Variants in SLC24A1 observed in about 807,000 individuals in gnomAD.
SLC24A1 encodes sodium/potassium/calcium exchanger 1.
Under a neutral mutation model 88.1 loss-of-function variants are expected in SLC24A1, and 52 were observed. The ratio of observed to expected loss-of-function variants is 0.59; its 90% confidence interval spans 0.47 to 0.74. The LOEUF (loss-of-function observed/expected upper bound fraction) is 0.74, where lower values mean the gene tolerates loss of function less well. SLC24A1 is among the 30% of genes least tolerant of loss of function. The pLI, the probability that SLC24A1 is intolerant of heterozygous loss-of-function variation, is 0.00. For missense variants in SLC24A1, 1,173 were observed against 1,363.3 expected (o/e 0.86, Z 2.20); for synonymous variants, 455 against 498.0 (o/e 0.91, Z 1.15).
At chr15:65,639,885 G>A (rs985928176) in intron 4 of SLC24A1, among the ~76,000 whole-genome samples, 182 bp downstream of exon 4, 1 of 152,086 alleles carries the variant, frequency 6.6e-6, no homozygotes, top group African/African-American at 2.4e-5. Context: ...CCAAGACAGG[G>A]GACTCACCAA....
chr15:65,614,963 C>G (rs2074089087), intron 2 of SLC24A1, among the ~76,000 whole-genome samples: 1 of 152,238 alleles, frequency 6.6e-6, no homozygotes. Context: ...AGTGGTGGCT[C>G]TCAGCTCTTC....
In SLC24A1 at chr15:65,625,808, C is replaced by G; in HGVS notation, c.1728C>G (p.Phe576Leu). 6.2e-7 allele frequency: 1 copy of G among 1,614,054 alleles called. No homozygotes were observed. The highest frequency in any genetic ancestry group is 8.5e-7 in the Non-Finnish European group (1 of 1,179,900). The change falls in exon 2 of 10, where the codon TTC (phenylalanine) becomes TTG (leucine). Residue 576 changes from phenylalanine to leucine, a missense_variant. Transcript: ENST00000261892. Reference sequence around the variant, plus strand: ...ACCTGATAATGCTCATCCTCTTCTTCCTGGACAGCCTCATTGCCTGGTGGG... The same window carrying G: ...ACCTGATAATGCTCATCCTCTTCTTGCTGGACAGCCTCATTGCCTGGTGGG... The part of the protein sequence containing the change: ...ILDLIMLILF[F>L]LDSLIAWWES...
At chr15:65,646,384 T>C (rs1238259287) in intron 6 of SLC24A1, among the ~76,000 whole-genome samples, 2 of 152,106 alleles carry the variant, frequency 1.3e-5, no homozygotes, top group Non-Finnish European at 2.9e-5. Context: ...GCCGTCTCCA[T>C]GTTTTTCTAC....
chr15:65,616,139 T>C (rs2074136592), intron 2 of SLC24A1, among the ~76,000 whole-genome samples: 1 of 152,118 alleles, frequency 6.6e-6, no homozygotes, highest in Non-Finnish European at 1.5e-5. Context: ...TGATGGACAT[T>C]TGGGTTGGTT....
At chr15:65,632,742 G>A (rs2074773838) in intron 2 of SLC24A1, among the ~76,000 whole-genome samples, 1 of 152,190 alleles carries the variant, frequency 6.6e-6, no homozygotes, top group Non-Finnish European at 1.5e-5. Context: ...CAGCTCTCAA[G>A]GAGCTTAGTC....
intron 2 of SLC24A1, among the ~76,000 whole-genome samples, chr15:65,635,465 A>AAAAAAC (rs2074896509): frequency 7.0e-6 from 1 of 143,718 alleles, no homozygotes; most frequent in Non-Finnish European, 1.5e-5. Context: ...AAAAAAAAAA[A>AAAAAAC]AAAAAGAAAA....
chr15:65,622,693 C>A (rs370538767), intron 1 of SLC24A1, among the ~76,000 whole-genome samples: 1 of 151,776 alleles, frequency 6.6e-6, no homozygotes, highest in South Asian at 2.1e-4. Context: ...CTTTCATGTT[C>A]TTCCCTCCTT....
chr15:65,652,555 G>GC (rs1233602229), intron 8 of SLC24A1, 87 bp from the exon 9 acceptor site: 2 of 1,257,220 alleles, frequency 1.6e-6, no homozygotes, highest in Middle Eastern at 2.6e-4. Context: ...TCCTTAGAAG[G>GC]CAGTCTGTTT....
Position 65,624,864 on chromosome 15 carries a change from C to A in SLC24A1, c.784C>A (p.His262Asn). 1.2e-6 allele frequency: 2 copies of A among 1,614,050 alleles called. No homozygotes were observed. Among genetic ancestry groups the A allele is most frequent in the Non-Finnish European group, 8.5e-7 (1 of 1,179,898 alleles). The change falls in exon 2 of 10, where the codon CAT becomes AAT. Residue 262 changes from histidine to asparagine, a missense_variant. By Grantham distance (68) the His-to-Asn change is moderately conservative. Transcript: ENST00000261892. ...MFDSTPTFLTHEVEANVLTSP... is the reference protein window; with the variant it reads ...MFDSTPTFLTNEVEANVLTSP... Reference sequence around the variant, plus strand: ...TGATAGCACCCCAACTTTTCTGACACATGAGGTAGAAGCAAACGTCTTGAC... The same window carrying A: ...TGATAGCACCCCAACTTTTCTGACAAATGAGGTAGAAGCAAACGTCTTGAC...
chr15:65,638,854 C>A (rs1451259777), intron 3 of SLC24A1, among the ~76,000 whole-genome samples: 1 of 151,850 alleles, frequency 6.6e-6, no homozygotes, highest in Admixed American at 6.6e-5. Flanking sequence ...GGGAGGACTC[C>A]GCAAGTGTGG....
At chr15:65,656,873 T>C (rs1596362676), downstream of SLC24A1, among the ~76,000 whole-genome samples, 2 of 152,336 alleles carry the variant, frequency 1.3e-5, no homozygotes, top group Middle Eastern at 3.4e-3. Flanking sequence ...TTTTTTGTTT[T>C]GTTTTGTTTT....
downstream of SLC24A1, among the ~76,000 whole-genome samples, chr15:65,658,755 T>G (rs2075758228): frequency 6.6e-6 from 1 of 152,208 alleles, no homozygotes; most frequent in Admixed American, 6.5e-5. Context: ...GCATAACTTC[T>G]AAATAGAGCT....
chr15:65,615,389 G>T (rs898831447), intron 2 of SLC24A1, among the ~76,000 whole-genome samples: 8 of 152,166 alleles, frequency 5.3e-5, no homozygotes, highest in African/African-American at 1.9e-4. Flanking sequence ...AAAGTAATTT[G>T]TGAGGCTGGG....
rs1250646801 is a variant in SLC24A1, at chr15:65,622,040, G to C, written c.-179G>C. ...TTCAGACCCACTCTTTGAGATATTG[G>C]ATTCTGACAAGTTTCCAGAGCTGAG... is the stretch of plus-strand genomic sequence containing the variant. On this transcript the variant is annotated 5_prime_UTR_variant, in exon 1 of 10. Transcript: ENST00000261892. 1.3e-5 allele frequency: 2 copies of C among 152,250 alleles called. No homozygotes were observed. The highest frequency in any genetic ancestry group is 2.9e-5 in the Non-Finnish European group (2 of 68,078). The allele number at this position is 152,250 out of a possible 1,614,324, so 9.4% of individuals were successfully genotyped here. A position where few individuals can be genotyped will look rare whatever the true frequency, so the allele number is the denominator to read the frequency against.
intron 2 of SLC24A1, among the ~76,000 whole-genome samples, chr15:65,614,781 G>A (rs1596290595): frequency 6.6e-6 from 1 of 152,182 alleles, no homozygotes; most frequent in East Asian, 1.9e-4. Flanking sequence ...ATGTGATGGT[G>A]GATATGCATT....
chr15:65,653,707 TTC>T lies in SLC24A1; in HGVS notation c.3051-121_3051-120del, dbSNP rs1336203142. ...TTGTCTGTGAAATGGGGCTAATAAT[TTC>T]TGTTCACTTCATAGATATTTTATTG... On this transcript the variant is annotated intron_variant, in intron 9 of 9. Transcript: ENST00000261892. 1.0e-5 allele frequency: 10 copies of T among 977,014 alleles called. No individual in the cohort carries two copies. The African/African-American group carries it at 1.3e-4, about 13-fold the overall frequency. 60.5% of individuals were successfully genotyped at this position (977,014 alleles called of 1,614,324 possible). A position where few individuals can be genotyped will look rare whatever the true frequency, so the allele number is the denominator to read the frequency against.
intron 2 of SLC24A1, among the ~76,000 whole-genome samples, chr15:65,634,569 T>A (rs1433413070): frequency 6.6e-6 from 1 of 152,168 alleles, no homozygotes; most frequent in East Asian, 1.9e-4. Context: ...CCAGTGCTGT[T>A]ACTCATAAAT....
chr15:65,652,691 T>C lies in SLC24A1; in HGVS notation c.2933T>C (p.Leu978Pro). The C allele has an allele frequency of 6.2e-7, 1 of 1,613,984 alleles. No homozygotes were observed. Among genetic ancestry groups the C allele is most frequent in the Non-Finnish European group, 8.5e-7 (1 of 1,179,864 alleles). ...GAAGAGATCATGGGCCTGACAATCCTTGCAGCAGGCACATCAATTCCTGAC... is the reference window on the plus strand; with the variant it reads ...GAAGAGATCATGGGCCTGACAATCCCTGCAGCAGGCACATCAATTCCTGAC... ...ISEEIMGLTI[L>P]AAGTSIPDLI... The change falls in exon 9 of 10, where the codon CTT (leucine) becomes CCT (proline). Residue 978 changes from leucine (L) to proline (P), a missense_variant. Transcript: ENST00000261892.
intron 2 of SLC24A1, among the ~76,000 whole-genome samples, chr15:65,614,966 A>T (rs1156378981): frequency 6.6e-6 from 1 of 152,332 alleles, no homozygotes; most frequent in South Asian, 2.1e-4. Flanking sequence ...GGTGGCTCTC[A>T]GCTCTTCGGG....
Sources: gnomAD v4.1 joint callset for allele counts (sites outside exome capture counted in the v4.1 genomes callset) on GRCh38, gnomAD v4.1.1 for gene constraint, MANE v1.5 for transcripts, NCBI Gene and HGNC (gene_info 2026-07-23, HGNC 2026-07-21) for gene names.